VWA3A: variants seen among roughly 807,000 people sequenced by gnomAD.
VWA3A encodes von Willebrand factor A domain-containing protein 3A.
Under a neutral mutation model 160.4 loss-of-function variants are expected in VWA3A, and 134 were observed. That is an observed-to-expected ratio of 0.84 (90% CI 0.73 to 0.96). VWA3A has a LOEUF of 0.96. Among genes scored for constraint, VWA3A ranks in the 40% least tolerant of loss-of-function variants. VWA3A has a pLI of 0.00. For missense variants in VWA3A, 1,310 were observed against 1,447.9 expected (o/e 0.90, Z 1.55); for synonymous variants, 476 against 543.4 (o/e 0.88, Z 1.72).
chr16:22,138,085 G>T (rs907260349), intron 21 of VWA3A, among the ~76,000 whole-genome samples: 2 of 152,142 alleles, frequency 1.3e-5, no homozygotes, highest in East Asian at 3.8e-4. Flanking sequence ...TACCCTATCG[G>T]CATAGCTGAT....
intron 17 of VWA3A, among the ~76,000 whole-genome samples, chr16:22,129,828 G>A (rs776048459): frequency 6.6e-6 from 1 of 152,124 alleles, no homozygotes; most frequent in Non-Finnish European, 1.5e-5. Flanking sequence ...ACCCAGAGAG[G>A]TGGGAGGAAA....
Position 22,140,165 on chromosome 16 carries a change from T to C in VWA3A, c.2304T>C (p.Asp768=). The change falls in exon 23 of 34, where the codon GAT becomes GAC. Residue 768 remains aspartate (D), a synonymous_variant. Coordinates refer to ENST00000389398, the MANE Select transcript of VWA3A (RefSeq NM_173615.5). ...VPLGARMSIK[D]DPDREKSPPL... is the part of the protein sequence containing the mutation. ...TGCCTGTTTTCTAGAGCATTAAAGA[T>C]GACCCTGACAGAGAGAAGAGCCCCC... 1 of 1,613,542 alleles carries C rather than the reference T, an allele frequency of 6.2e-7. No individual in the cohort carries two copies. Among genetic ancestry groups the C allele is most frequent in the Non-Finnish European group, 8.5e-7 (1 of 1,179,672 alleles).
At chr16:22,121,650 C>A in intron 14 of VWA3A, 33 bp downstream of exon 14, 1 of 1,498,912 alleles carries the variant, frequency 6.7e-7, no homozygotes, top group Non-Finnish European at 9.3e-7. Flanking sequence ...TCCAGTCCTC[C>A]ACAGGAGAGC....
intron 18 of VWA3A, 104 bp from the exon 19 acceptor site, chr16:22,131,481 C>T (rs2045946927): frequency 1.8e-5 from 27 of 1,530,420 alleles, no homozygotes; most frequent in East Asian, 9.4e-5. Flanking sequence ...GTGATGACAT[C>T]GACTCCATCA....
rs1324115512 is a variant in VWA3A, at chr16:22,126,247, G to T, written c.1602G>T (p.Arg534=). The change falls in exon 17 of 34, where the codon CGG becomes CGT. Residue 534 remains arginine, a synonymous_variant. Coordinates refer to ENST00000389398, the MANE Select transcript of VWA3A (RefSeq NM_173615.5). ...MYIIHIQHSL[R]LLLEEQLSNK... ...TTATTCATATCCAGCACTCCCTGCGGCTGCTGCTGGAGGAGCAGTTATCCA... is the reference window on the plus strand; with the variant it reads ...TTATTCATATCCAGCACTCCCTGCGTCTGCTGCTGGAGGAGCAGTTATCCA... 2 of 1,613,954 alleles carry T rather than the reference G, an allele frequency of 1.2e-6. No individual in the cohort carries two copies. The highest frequency in any genetic ancestry group is 2.2e-5 in the East Asian group (1 of 44,884).
chr16:22,115,096 C>T (rs2141885711), intron 8 of VWA3A, among the ~76,000 whole-genome samples: 1 of 152,136 alleles, frequency 6.6e-6, no homozygotes, highest in South Asian at 2.1e-4. Context: ...CATGAACCAC[C>T]ATGCCCGGCC....
intron 13 of VWA3A, 114 bp downstream of exon 13, chr16:22,121,217 G>A (rs1028622842): frequency 2.0e-6 from 3 of 1,502,130 alleles, no homozygotes; most frequent in Admixed American, 3.6e-5. Context: ...AGGCCAAGAA[G>A]GAAGGATCAG....
At chr16:22,128,006 G>A in intron 17 of VWA3A, among the ~76,000 whole-genome samples, 1 of 152,138 alleles carries the variant, frequency 6.6e-6, no homozygotes, top group Admixed American at 6.6e-5. Context: ...GGGAATGATG[G>A]GGTCCTAGGG....
Position 22,100,208 on chromosome 16 carries a change from T to G in VWA3A, c.240T>G (p.Ser80Arg), listed in dbSNP as rs1598044273. The change falls in exon 4 of 34, where the codon AGT becomes AGG. Residue 80 changes from serine to arginine, a missense_variant. Ser to Arg is a moderately radical substitution (Grantham distance 110). Coordinates refer to ENST00000389398, the MANE Select transcript of VWA3A (RefSeq NM_173615.5). ...TTGTCTTGCAGAGGCTGCAGGGGAG[T>G]GAGACCCAGTCTTCAGATTGGGAGG... ...QTQDLLRLQG[S>R]ETQSSDWEDS... The G allele has an allele frequency of 6.5e-7, 1 of 1,547,852 alleles. No homozygotes were observed. Among genetic ancestry groups the G allele is most frequent in the Non-Finnish European group, 8.7e-7 (1 of 1,146,084 alleles).
chr16:22,153,667 A>G (rs1016599516), intron 31 of VWA3A, among the ~76,000 whole-genome samples: 1 of 152,142 alleles, frequency 6.6e-6, no homozygotes, highest in African/African-American at 2.4e-5. Flanking sequence ...CAAATTATCA[A>G]GTAAGACAAC....
intron 2 of VWA3A, among the ~76,000 whole-genome samples, chr16:22,097,369 G>A (rs2045343399): frequency 6.6e-6 from 1 of 152,054 alleles, no homozygotes; most frequent in South Asian, 2.1e-4. Context: ...GCCACCTGAG[G>A]GCTTTAGTTA....
intron 21 of VWA3A, among the ~76,000 whole-genome samples, chr16:22,135,073 A>T (rs1318973923): frequency 1.3e-5 from 2 of 152,170 alleles, no homozygotes; most frequent in Non-Finnish European, 2.9e-5. Flanking sequence ...TTTTAAAATA[A>T]TTTTTTTAAA....
intron 12 of VWA3A, 60 bp downstream of exon 12, chr16:22,119,087 TC>T: frequency 6.6e-7 from 1 of 1,512,290 alleles, no homozygotes; most frequent in Non-Finnish European, 8.9e-7. Context: ...CTGGCCTCGT[TC>T]CCCTTTCTCA....
At position 22,097,570 on chromosome 16, in the gene VWA3A, A is replaced by G. The variant is rs898948514; in HGVS notation, c.102-2A>G. 1.2e-5 allele frequency: 18 copies of G among 1,551,282 alleles called. No homozygotes were observed. The highest frequency in any genetic ancestry group is 1.6e-5 in the Non-Finnish European group (18 of 1,146,894). On this transcript the variant is annotated splice_acceptor_variant, in intron 2 of 33. Coordinates refer to ENST00000389398, the MANE Select transcript of VWA3A (RefSeq NM_173615.5). LOFTEE classifies it high-confidence loss of function. ...TTGATCAAATTACTTTATGTTTTGT[A>G]GCATTAGGAGAAACACTGGCAGAGA...
chr16:22,152,678 C>A, intron 31 of VWA3A, 44 bp downstream of exon 31: 2 of 1,567,574 alleles, frequency 1.3e-6, no homozygotes, highest in South Asian at 2.3e-5. Flanking sequence ...TGAAACGGCT[C>A]GATAAAATAT....
rs1470542210 is a variant in VWA3A, at chr16:22,156,036, G to T, written c.*19G>T. 5.2e-6 allele frequency: 6 copies of T among 1,148,986 alleles called. No individual in the cohort carries two copies. Among genetic ancestry groups the T allele is most frequent in the Non-Finnish European group, 7.4e-6 (6 of 808,424 alleles). The allele number at this position is 1,148,986 out of a possible 1,614,324, so 71.2% of individuals were successfully genotyped here. ...AATAATGATTCCTCTAAACAGAAAAGTCATCCTGCAAAGGACCACTCACTG... is the reference window on the plus strand; with the variant it reads ...AATAATGATTCCTCTAAACAGAAAATTCATCCTGCAAAGGACCACTCACTG... On this transcript the variant is annotated 3_prime_UTR_variant, in exon 34 of 34. Coordinates refer to ENST00000389398, the MANE Select transcript of VWA3A (RefSeq NM_173615.5).
rs747770335 is a variant in VWA3A at position 22,154,960 on chromosome 16, C to CAAA, written c.3406-572_3406-570dup. On this transcript the variant is annotated intron_variant, in intron 31 of 33. Coordinates refer to ENST00000389398, the MANE Select transcript of VWA3A (RefSeq NM_173615.5). ...TGGGCGACAGAGCGAGACTCCGTCT[C>CAAA]AAAAAAAAAAAAAAAAAAAAAAAAA... 2.8e-4 allele frequency among the ~76,000 whole-genome samples: 15 copies of CAAA among 54,434 alleles called. 3 individuals are homozygous for CAAA. The highest frequency in any genetic ancestry group is 5.8e-4 in the South Asian group (1 of 1,732). 35.7% of individuals were successfully genotyped at this position (54,434 alleles called of 152,430 possible).
chr16:22,106,314 G>T (rs1447546097), intron 6 of VWA3A, among the ~76,000 whole-genome samples: 1 of 152,076 alleles, frequency 6.6e-6, no homozygotes, highest in Non-Finnish European at 1.5e-5. Context: ...GAACCCAGGA[G>T]GCAGAGGTTG....
At chr16:22,093,192 T>C (rs1901398000) in intron 1 of VWA3A, among the ~76,000 whole-genome samples, 1 of 152,152 alleles carries the variant, frequency 6.6e-6, no homozygotes, top group South Asian at 2.1e-4. Flanking sequence ...CTGTGAACAT[T>C]ACTAAGTCCC....
Sources: gnomAD v4.1 joint callset for allele counts (sites outside exome capture counted in the v4.1 genomes callset) on GRCh38, gnomAD v4.1.1 for gene constraint, MANE v1.5 for transcripts, NCBI Gene and HGNC (gene_info 2026-07-23, HGNC 2026-07-21) for gene names.